PRKD1: variants seen among roughly 807,000 people sequenced by gnomAD.
The protein encoded by PRKD1 is protein kinase D1.
Under a neutral mutation model 95.9 loss-of-function variants are expected in PRKD1, and 63 were observed. That is an observed-to-expected ratio of 0.66 (90% confidence interval 0.54 to 0.81). The LOEUF is 0.81. PRKD1 is among the 30% of genes least tolerant of loss of function. PRKD1 has a pLI of 0.00. For missense variants in PRKD1, 1,048 were observed against 1,165.3 expected (o/e 0.90, Z 1.47); for synonymous variants, 425 against 423.1 (o/e 1.00, Z -0.05).
chr14:29,832,657 C>T (rs1282616455), intron 1 of PRKD1, among the ~76,000 whole-genome samples: 3 of 151,958 alleles, frequency 2.0e-5, no homozygotes, highest in South Asian at 2.1e-4. Flanking sequence ...GAGGAGAACA[C>T]GAATTAGACT....
intron 1 of PRKD1, among the ~76,000 whole-genome samples, chr14:29,827,189 GT>G (rs756767996): frequency 7.2e-5 from 11 of 151,790 alleles, no homozygotes; most frequent in Non-Finnish European, 1.3e-4. Context: ...ACTTACTCAT[GT>G]AACCAAATAC....
intron 4 of PRKD1, among the ~76,000 whole-genome samples, chr14:29,640,734 T>C (rs754584728): frequency 2.6e-5 from 4 of 152,230 alleles, no homozygotes; most frequent in African/African-American, 4.8e-5. Flanking sequence ...TATTTTTCCA[T>C]AGTTGAAAAC....
At chr14:29,773,665 C>G (rs957936739) in intron 1 of PRKD1, among the ~76,000 whole-genome samples, 5 of 151,970 alleles carry the variant, frequency 3.3e-5, no homozygotes, top group African/African-American at 1.2e-4. Context: ...TACAATATTT[C>G]TACAGAAAAG....
At position 29,671,876 on chromosome 14, in the gene PRKD1, C is replaced by T. The variant is rs1349665223; in HGVS notation, c.404-5668G>A. ...ACAGAAGAGTAATAAATAAATTTTG[C>T]CCTACTTGATATCAAAATATTCTAT... On this transcript the variant is annotated intron_variant, in intron 2 of 17. Transcript: ENST00000331968. 3.9e-5 allele frequency among the ~76,000 whole-genome samples: 6 copies of T among 151,900 alleles called. No individual in the cohort carries two copies. The East Asian group carries it at 9.7e-4, about 24-fold the overall frequency.
chr14:29,590,715 C>G (rs1221968344), intron 16 of PRKD1, among the ~76,000 whole-genome samples: 1 of 152,098 alleles, frequency 6.6e-6, no homozygotes, highest in Non-Finnish European at 1.5e-5. Flanking sequence ...GCCTGTAACC[C>G]CATATCTTCA....
Position 29,646,127 on chromosome 14 carries a change from C to T in PRKD1, c.697-7223G>A, listed in dbSNP as rs541489075. On this transcript the variant is annotated intron_variant, in intron 4 of 17. Transcript: ENST00000331968. ...AGATAAACCATATTCATGGTGGAGG[C>T]GAGGGGTAATTCAGAAAGGGGGTTT... 3.9e-5 allele frequency among the ~76,000 whole-genome samples: 6 copies of T among 151,998 alleles called. No homozygotes were observed. In the South Asian group the frequency reaches 8.3e-4, roughly 21 times the overall value.
At chr14:29,926,762 G>A (rs971667891) in intron 1 of PRKD1, among the ~76,000 whole-genome samples, 1 of 152,112 alleles carries the variant, frequency 6.6e-6, no homozygotes, top group Non-Finnish European at 1.5e-5. Flanking sequence ...TTTGACAACT[G>A]GCCGAGTCAA....
intron 13 of PRKD1, among the ~76,000 whole-genome samples, chr14:29,606,133 C>A (rs1893696170): frequency 6.6e-6 from 1 of 152,150 alleles, no homozygotes; most frequent in Non-Finnish European, 1.5e-5. Flanking sequence ...CTGCCTCAGT[C>A]TCCCAAGTAG....
chr14:29,781,379 C>T (rs921562286), intron 1 of PRKD1, among the ~76,000 whole-genome samples: 3 of 152,136 alleles, frequency 2.0e-5, no homozygotes, highest in African/African-American at 7.2e-5. Flanking sequence ...AGACAGAGGT[C>T]CTATCACTGA....
chr14:29,848,485 G>A (rs1474744959), intron 1 of PRKD1, among the ~76,000 whole-genome samples: 1 of 151,760 alleles, frequency 6.6e-6, no homozygotes, highest in East Asian at 1.9e-4. Context: ...GATTGTGCAG[G>A]CTCAGAAGGA....
chr14:29,675,176 G>A (rs1396963681), intron 2 of PRKD1, among the ~76,000 whole-genome samples: 4 of 152,188 alleles, frequency 2.6e-5, no homozygotes, highest in African/African-American at 4.8e-5. Flanking sequence ...ACTTCATGAA[G>A]CCGACTGATT....
intron 1 of PRKD1, among the ~76,000 whole-genome samples, chr14:29,892,559 A>T (rs1192029879): frequency 6.6e-6 from 1 of 152,202 alleles, no homozygotes; most frequent in Non-Finnish European, 1.5e-5. Flanking sequence ...AGTGCCAAGA[A>T]TGACATAATG....
intron 9 of PRKD1, 63 bp downstream of exon 9, chr14:29,632,806 C>T: frequency 2.1e-6 from 3 of 1,427,468 alleles, no homozygotes; most frequent in South Asian, 2.4e-5. Flanking sequence ...ATTTCTTATA[C>T]TCTACATTCC....
intron 1 of PRKD1, among the ~76,000 whole-genome samples, chr14:29,903,813 T>C (rs1894404324): frequency 6.6e-6 from 1 of 152,318 alleles, no homozygotes; most frequent in African/African-American, 2.4e-5. Flanking sequence ...TCATTTAAAG[T>C]GAAAATAAAG....
intron 4 of PRKD1, among the ~76,000 whole-genome samples, chr14:29,656,952 CAAAGTTGTTATCTGCTTGCAAGCAAGAAT>C (rs1322149588): frequency 6.6e-6 from 1 of 152,084 alleles, no homozygotes; most frequent in Admixed American, 6.5e-5. Flanking sequence ...TCAAATGATA[CAAAGTTGTTATCTGCTTGCAAGCAAGAAT>C]AAGCTAATGA....
intron 2 of PRKD1, among the ~76,000 whole-genome samples, chr14:29,695,628 G>T (rs1337555624): frequency 1.3e-5 from 2 of 152,258 alleles, no homozygotes; most frequent in Non-Finnish European, 2.9e-5. Flanking sequence ...ACTATGAGCA[G>T]TTTGGTTTTG....
At chr14:29,880,207 A>G (rs1003053392) in intron 1 of PRKD1, among the ~76,000 whole-genome samples, 1 of 152,176 alleles carries the variant, frequency 6.6e-6, no homozygotes, top group Admixed American at 6.5e-5. Flanking sequence ...AGGAGGAAAC[A>G]GTAGTTTCGA....
intron 1 of PRKD1, among the ~76,000 whole-genome samples, chr14:29,815,394 G>A (rs572926566): frequency 6.6e-6 from 1 of 152,292 alleles, no homozygotes; most frequent in East Asian, 1.9e-4. Flanking sequence ...TGTCCCTAGA[G>A]GGAAATTGTT....
chr14:29,902,329 A>G (rs1160168503), intron 1 of PRKD1, among the ~76,000 whole-genome samples: 1 of 152,138 alleles, frequency 6.6e-6, no homozygotes, highest in Non-Finnish European at 1.5e-5. Context: ...AATACTGTAC[A>G]TTATTTTTGT....
Sources: gnomAD v4.1 joint callset for allele counts (sites outside exome capture counted in the v4.1 genomes callset) on GRCh38, gnomAD v4.1.1 for gene constraint, MANE v1.5 for transcripts, NCBI Gene and HGNC (gene_info 2026-07-23, HGNC 2026-07-21) for gene names.